The following SF3B3 variants were observed in gnomAD, a reference collection of about 807,000 sequenced individuals.
The protein encoded by SF3B3 is SAP 130.
A neutral mutation model predicts 139.2 loss-of-function variants in SF3B3; 33 were observed. The ratio of observed to expected loss-of-function variants is 0.24; its 90% confidence interval spans 0.18 to 0.32. The LOEUF is 0.32. SF3B3 is among the 10% of genes least tolerant of loss of function. SF3B3 has a pLI of 1.00. For missense variants in SF3B3, 818 were observed against 1,509.4 expected (o/e 0.54, Z 7.59); for synonymous variants, 596 against 563.6 (o/e 1.06, Z -0.81).
At position 70,572,147 on chromosome 16, in the gene SF3B3, A is replaced by G. The variant is rs1276690234; in HGVS notation, c.*334A>G. The G allele has an allele frequency of 2.0e-6, 1 of 504,834 alleles. No homozygotes were observed. Among genetic ancestry groups the G allele is most frequent in the Admixed American group, 2.3e-5 (1 of 43,828 alleles). The allele number at this position is 504,834 out of a possible 1,614,324, so 31.3% of individuals were successfully genotyped here. Reference sequence around the variant, plus strand: ...ACTTTTGCACACACCCTTAATTTTTAATTGGTTTTCTTGTAAATACAGTTT... The same window carrying G: ...ACTTTTGCACACACCCTTAATTTTTGATTGGTTTTCTTGTAAATACAGTTT... On this transcript the variant is annotated 3_prime_UTR_variant, in exon 26 of 26. Coordinates refer to ENST00000302516, the MANE Select transcript of SF3B3 (RefSeq NM_012426.5).
chr16:70,539,327 C>T (rs2050197068), intron 8 of SF3B3, 120 bp downstream of exon 8: 3 of 725,024 alleles, frequency 4.1e-6, no homozygotes, highest in Non-Finnish European at 7.5e-6. Flanking sequence ...GTGGGTGAAT[C>T]ACCTGAGGTA....
rs758620093 is a variant in SF3B3, at chr16:70,541,714, T to C, written c.1113T>C (p.Pro371=). 1.2e-6 allele frequency: 2 copies of C among 1,613,978 alleles called. No individual in the cohort carries two copies. Among genetic ancestry groups the C allele is most frequent in the Admixed American group, 3.3e-5 (2 of 60,018 alleles). The change falls in exon 9 of 26, where the codon CCT becomes CCC. Residue 371 remains proline, a synonymous_variant. Coordinates refer to ENST00000302516, the MANE Select transcript of SF3B3 (RefSeq NM_012426.5). The stretch of plus-strand genomic sequence containing the variant: ...ATCTTGGAGATGATGATGAAGAACC[T>C]GAGTTTTCATCAGCCATGCCTCTGG... The part of the protein sequence containing the change: ...IAHLGDDDEE[P]EFSSAMPLEE...
intron 10 of SF3B3, among the ~76,000 whole-genome samples, chr16:70,547,364 A>G (rs995028013): frequency 2.0e-5 from 3 of 152,234 alleles, no homozygotes. Flanking sequence ...TTTTAATTTT[A>G]TAATGATTTT....
chr16:70,570,924 G>A (rs915451007), intron 24 of SF3B3, among the ~76,000 whole-genome samples, 171 bp from the exon 25 acceptor site: 2 of 152,178 alleles, frequency 1.3e-5, no homozygotes, highest in Admixed American at 6.5e-5. Context: ...TCCTTTTGGG[G>A]TTTAACTATC....
intron 7 of SF3B3, 48 bp downstream of exon 7, chr16:70,538,508 T>C: frequency 1.0e-4 from 138 of 1,362,582 alleles, no homozygotes; most frequent in Non-Finnish European, 1.3e-4. Flanking sequence ...TGAGATGAGA[T>C]AGGCAAGACA....
Position 70,577,204 on chromosome 16 carries a change from TG to T in SF3B3, c.*5392del, listed in dbSNP as rs1374496959. ...CACATGACTGAGTGCTCAGGGGTTCTGAGGCTTGTCCGCTGACCTGGGGCTC... is the reference window on the plus strand; with the variant it reads ...CACATGACTGAGTGCTCAGGGGTTCTAGGCTTGTCCGCTGACCTGGGGCTC... On this transcript the variant is annotated 3_prime_UTR_variant, in exon 26 of 26. Coordinates refer to ENST00000302516, the MANE Select transcript of SF3B3 (RefSeq NM_012426.5). 6.6e-6 allele frequency: 1 copy of T among 152,362 alleles called. No homozygotes were observed. The highest frequency in any genetic ancestry group is 1.9e-4 in the East Asian group (1 of 5,202). 9.4% of individuals were successfully genotyped at this position (152,362 alleles called of 1,614,324 possible). A position where few individuals can be genotyped will look rare whatever the true frequency, so the allele number is the denominator to read the frequency against.
intron 11 of SF3B3, 82 bp downstream of exon 11, chr16:70,548,524 C>T: frequency 8.4e-7 from 1 of 1,184,872 alleles, no homozygotes. Flanking sequence ...GTTCATAATA[C>T]TTCTGTATCA....
At chr16:70,555,236 T>A in intron 13 of SF3B3, 30 bp downstream of exon 13, 1 of 1,596,832 alleles carries the variant, frequency 6.3e-7, no homozygotes, top group Non-Finnish European at 8.6e-7. Context: ...ACTGTGGGAC[T>A]TATTGTAGGG....
rs759470316 is a variant in SF3B3, at chr16:70,526,441, C to T, written c.-70-146C>T. On this transcript the variant is annotated intron_variant, in intron 1 of 25. Coordinates refer to ENST00000302516, the MANE Select transcript of SF3B3 (RefSeq NM_012426.5). ...CAAGCTGGTCTCGAACTCCTGACCT[C>T]GTGAGCCACCACGCCCGGTCACATA... The T allele has an allele frequency of 5.1e-5, 26 of 507,740 alleles. 1 individual carries two copies. The highest frequency in any genetic ancestry group is 7.3e-5 in the Non-Finnish European group (21 of 289,114). The allele number at this position is 507,740 out of a possible 1,614,324, so 31.5% of individuals were successfully genotyped here. A position where few individuals can be genotyped will look rare whatever the true frequency, so the allele number is the denominator to read the frequency against.
Position 70,530,957 on chromosome 16 carries a change from C to T in SF3B3, c.570+40C>T, listed in dbSNP as rs961682177. 11 of 1,550,228 alleles carry T rather than the reference C, an allele frequency of 7.1e-6. No homozygotes were observed. The African/African-American group carries it at 1.5e-4, about 21-fold the overall frequency. ...GTCTCTTTGCGTTTCTTTCAGTCAC[C>T]TCAGTGTTTTTTTTTAAGATTGTTT... On this transcript the variant is annotated intron_variant, in intron 4 of 25. Transcript: ENST00000302516.
At chr16:70,558,069 T>C (rs929501130) in intron 15 of SF3B3, among the ~76,000 whole-genome samples, 1 of 152,196 alleles carries the variant, frequency 6.6e-6, no homozygotes, top group Admixed American at 6.5e-5. Context: ...TTTTGAAGTA[T>C]TACAAGATCA....
rs1262891082 is a variant in SF3B3 at position 70,555,155 on chromosome 16, A to G, written c.1659A>G (p.Gln553=). 6.2e-7 allele frequency: 1 copy of G among 1,614,134 alleles called. No homozygotes were observed. Among genetic ancestry groups the G allele is most frequent in the East Asian group, 2.2e-5 (1 of 44,888 alleles). The change falls in exon 13 of 26, where the codon CAA becomes CAG. Residue 553 remains glutamine (Q), a synonymous_variant. Coordinates refer to ENST00000302516, the MANE Select transcript of SF3B3 (RefSeq NM_012426.5). ...TIVKCAVNQR[Q]VVIALTGGEL... ...TGAAGTGTGCAGTGAACCAGCGACA[A>G]GTGGTGATTGCCCTGACAGGAGGAG... is the stretch of plus-strand genomic sequence containing the variant.
intron 6 of SF3B3, 130 bp from the exon 7 acceptor site, chr16:70,538,193 G>A: frequency 1.2e-6 from 1 of 830,782 alleles, no homozygotes. Flanking sequence ...TGGCTGGCAG[G>A]ACACTGTGGA....
intron 5 of SF3B3, among the ~76,000 whole-genome samples, chr16:70,534,053 A>G (rs1192504853): frequency 6.6e-6 from 1 of 152,216 alleles, no homozygotes; most frequent in Non-Finnish European, 1.5e-5. Flanking sequence ...AACAATTACC[A>G]GAAACTGTGC....
At chr16:70,534,804 G>A (rs987048513) in intron 5 of SF3B3, among the ~76,000 whole-genome samples, 3 of 152,090 alleles carry the variant, frequency 2.0e-5, no homozygotes, top group African/African-American at 7.2e-5. Flanking sequence ...GAGTAGCTGG[G>A]ATTACAGGCG....
In SF3B3 at chr16:70,555,469, C is replaced by G. The variant is rs113822422; in HGVS notation, c.1710+263C>G. 6.8e-3 allele frequency among the ~76,000 whole-genome samples: 845 copies of G among 124,176 alleles called. 11 individuals are homozygous for G. The highest frequency in any genetic ancestry group is 0.025 in the African/African-American group (788 of 31,916). The allele number at this position is 124,176 out of a possible 152,430, so 81.5% of individuals were successfully genotyped here. A position where few individuals can be genotyped will look rare whatever the true frequency, so the allele number is the denominator to read the frequency against. On this transcript the variant is annotated intron_variant, in intron 13 of 25. Coordinates refer to ENST00000302516, the MANE Select transcript of SF3B3 (RefSeq NM_012426.5). ...ACTCCAGCCTGGCGACAGAGCAAGACTCCGTCTCAAAAAAAAAAAAAAAAA... is the reference window on the plus strand; with the variant it reads ...ACTCCAGCCTGGCGACAGAGCAAGAGTCCGTCTCAAAAAAAAAAAAAAAAA...
chr16:70,560,362 C>A, intron 15 of SF3B3, 107 bp from the exon 16 acceptor site: 1 of 1,190,630 alleles, frequency 8.4e-7, no homozygotes, highest in South Asian at 1.7e-5. Context: ...CAAGTCATTT[C>A]TTTCTATCTG....
chr16:70,548,738 G>C (rs1597715857), intron 11 of SF3B3, among the ~76,000 whole-genome samples: 1 of 152,270 alleles, frequency 6.6e-6, no homozygotes, highest in East Asian at 1.9e-4. Flanking sequence ...TAAAGGTACT[G>C]GTTTCATCTG....
In SF3B3 at chr16:70,540,787, G is replaced by A. The variant is rs114736371; in HGVS notation, c.1068-882G>A. Among the ~76,000 whole-genome samples the A allele has an allele frequency of 1.0e-3, 158 of 151,744 alleles. 1 individual carries two copies. The highest frequency in any genetic ancestry group is 3.3e-3 in the African/African-American group (137 of 41,454). On this transcript the variant is annotated intron_variant, in intron 8 of 25. Transcript: ENST00000302516. ...TTTTGGTAGCCTGTATCAGAGCTTC[G>A]TTCCTTTTTGTGGCGGAATAACTCA...
Sources: gnomAD v4.1 joint callset for allele counts (sites outside exome capture counted in the v4.1 genomes callset) on GRCh38, gnomAD v4.1.1 for gene constraint, MANE v1.5 for transcripts, NCBI Gene and HGNC (gene_info 2026-07-23, HGNC 2026-07-21) for gene names.